Variants in PCDHGB1 observed in about 807,000 individuals in gnomAD.
The protein encoded by PCDHGB1 is protocadherin gamma-B1.
Under a neutral mutation model 56.6 loss-of-function variants are expected in PCDHGB1, and 34 were observed. The observed-to-expected ratio is 0.60, with a 90% CI of 0.46 to 0.80. The LOEUF (loss-of-function observed/expected upper bound fraction) is 0.80. Ranked by LOEUF, PCDHGB1 falls within the 30% of genes least tolerant of loss-of-function variation. PCDHGB1 has a pLI of 0.00. For missense variants in PCDHGB1, 1,278 were observed against 1,204.6 expected (o/e 1.06, Z -0.90); for synonymous variants, 561 against 505.9 (o/e 1.11, Z -1.46).
chr5:141,366,599 G>C lies in PCDHGB1; in HGVS notation c.2409+13930G>C, dbSNP rs778631625. The C allele has an allele frequency of 6.2e-7, 1 of 1,614,214 alleles. No individual in the cohort carries two copies. The highest frequency in any genetic ancestry group is 8.5e-7 in the Non-Finnish European group (1 of 1,180,046). ...TTTCCTGCAGACCTATTCCCACGAG[G>C]TCTCCCTCACCGCGGACTCGAGGAA... On this transcript the variant is annotated intron_variant, in intron 1 of 3. Coordinates refer to ENST00000523390, the MANE Select transcript of PCDHGB1 (RefSeq NM_018922.3).
rs1252361961 is a variant in PCDHGB1 at position 141,486,106 on chromosome 5, G to A, written c.2410-8701G>A. The A allele has an allele frequency of 2.5e-6, 4 of 1,614,190 alleles. No individual in the cohort carries two copies. The highest frequency in any genetic ancestry group is 1.1e-5 in the South Asian group (1 of 91,086). Reference sequence around the variant, plus strand: ...CTCTTTTGGGGCCCCTAGACTTTGAGAGTGAGAATTACTATGAATTTGATG... The same window carrying A: ...CTCTTTTGGGGCCCCTAGACTTTGAAAGTGAGAATTACTATGAATTTGATG... On this transcript the variant is annotated intron_variant, in intron 1 of 3. Transcript: ENST00000523390. The surrounding 1 kb of genome is among the most constrained non-coding windows in gnomAD (Gnocchi z 5.0).
chr5:141,366,709 G>A, intron 1 of PCDHGB1: 5 of 1,614,228 alleles, frequency 3.1e-6, no homozygotes, highest in Non-Finnish European at 4.2e-6. Context: ...CTCTTCTGAT[G>A]TCTGATAAGG....
intron 1 of PCDHGB1, chr5:141,360,527 C>T (rs763036184): frequency 2.5e-6 from 4 of 1,613,910 alleles, no homozygotes; most frequent in Admixed American, 3.3e-5. Flanking sequence ...GATAATACCC[C>T]GCTATTCAAA....
intron 1 of PCDHGB1, chr5:141,441,550 G>C (rs2098254247): frequency 5.4e-6 from 1 of 184,034 alleles, no homozygotes; most frequent in Non-Finnish European, 1.1e-5. Context: ...AGCCTCCATA[G>C]TGTGCAAGTA....
intron 1 of PCDHGB1, chr5:141,383,821 G>T: frequency 1.2e-6 from 2 of 1,613,922 alleles, no homozygotes; most frequent in Non-Finnish European, 1.7e-6. Context: ...AGAAGGATTA[G>T]ATTATGAAGA....
chr5:141,362,320 C>T, intron 1 of PCDHGB1: 1 of 1,614,074 alleles, frequency 6.2e-7, no homozygotes, highest in South Asian at 1.1e-5. Flanking sequence ...CTGTTTTCAG[C>T]CTGGTCTCAG....
At position 141,430,831 on chromosome 5, in the gene PCDHGB1, G is replaced by A; in HGVS notation, c.2410-63976G>A. ...TGGGAATCCTCCTGGGGACTCTGTGGGAGACCGGATGCACCCAGATACGCT... is the reference window on the plus strand; with the variant it reads ...TGGGAATCCTCCTGGGGACTCTGTGAGAGACCGGATGCACCCAGATACGCT... On this transcript the variant is annotated intron_variant, in intron 1 of 3. Coordinates refer to ENST00000523390, the MANE Select transcript of PCDHGB1 (RefSeq NM_018922.3). 3 of 1,555,334 alleles carry A rather than the reference G, an allele frequency of 1.9e-6. No individual in the cohort carries two copies. In the South Asian group the frequency reaches 3.8e-5, roughly 19 times the overall value.
At chr5:141,430,877 G>T in intron 1 of PCDHGB1, 1 of 1,600,796 alleles carries the variant, frequency 6.2e-7, no homozygotes. Flanking sequence ...GGAAGAGCTG[G>T]AGAAAGGCTC....
At chr5:141,472,617 A>G (rs1024856184) in intron 1 of PCDHGB1, among the ~76,000 whole-genome samples, 3 of 152,138 alleles carry the variant, frequency 2.0e-5, no homozygotes, top group African/African-American at 7.2e-5. Flanking sequence ...CAAAGAAGAA[A>G]AAAGATAAAG....
intron 1 of PCDHGB1, chr5:141,409,203 T>C: frequency 1.2e-6 from 2 of 1,613,964 alleles, no homozygotes; most frequent in Non-Finnish European, 1.7e-6. Flanking sequence ...TGTAAAGTAA[T>C]CATAGAAATC....
chr5:141,496,440 A>G (rs2099768848), intron 2 of PCDHGB1, among the ~76,000 whole-genome samples: 1 of 152,158 alleles, frequency 6.6e-6, no homozygotes, highest in South Asian at 2.1e-4. Flanking sequence ...AAGTTGCTAC[A>G]GATGCTGAGC....
At chr5:141,428,230 C>A in intron 1 of PCDHGB1, 1 of 1,073,982 alleles carries the variant, frequency 9.3e-7, no homozygotes, top group Non-Finnish European at 1.4e-6. Flanking sequence ...CGCAGACAGC[C>A]TGCAGGAGGC....
chr5:141,428,154 T>C, intron 1 of PCDHGB1: 2 of 1,578,924 alleles, frequency 1.3e-6, no homozygotes, highest in Non-Finnish European at 1.7e-6. Flanking sequence ...CACGGGAACC[T>C]GCTGGTTGCT....
At chr5:141,421,444 A>T in intron 1 of PCDHGB1, 1 of 1,614,020 alleles carries the variant, frequency 6.2e-7, no homozygotes, top group Non-Finnish European at 8.5e-7. Flanking sequence ...CAGAGGGAAG[A>T]CACAGCTTTT....
At chr5:141,393,307 A>C (rs1394490963) in intron 1 of PCDHGB1, 3 of 1,613,594 alleles carry the variant, frequency 1.9e-6, no homozygotes, top group South Asian at 2.2e-5. Context: ...GTGGGCGTGA[A>C]CTCCCTCCAG....
chr5:141,400,867 C>A (rs1005203103), intron 1 of PCDHGB1, among the ~76,000 whole-genome samples: 37 of 152,162 alleles, frequency 2.4e-4, no homozygotes, highest in African/African-American at 8.9e-4. Context: ...TGTAGATAAA[C>A]CATTAAATTT....
chr5:141,490,345 G>GT lies in PCDHGB1; in HGVS notation c.2410-4461dup, dbSNP rs1363310763. The GT allele has an allele frequency of 6.2e-7, 1 of 1,614,216 alleles. No individual in the cohort carries two copies. The highest frequency in any genetic ancestry group is 2.2e-5 in the East Asian group (1 of 44,886). ...AGAGAGCACACCAGTGGGCACAGTAGTGGGGTTGTTTAATGTGCGAGACCG... is the reference window on the plus strand; with the variant it reads ...AGAGAGCACACCAGTGGGCACAGTAGTTGGGGTTGTTTAATGTGCGAGACCG... On this transcript the variant is annotated intron_variant, in intron 1 of 3. Transcript: ENST00000523390. This position sits in a 1 kb window ranked among gnomAD's most constrained non-coding sequence, Gnocchi z 5.4.
chr5:141,427,973 C>T (rs754410723), intron 1 of PCDHGB1: 3 of 1,594,054 alleles, frequency 1.9e-6, no homozygotes, highest in Non-Finnish European at 2.6e-6. Context: ...TGCTGTACCC[C>T]GCGCTGGGGC....
chr5:141,483,530 GC>G (rs1384645281), intron 1 of PCDHGB1, among the ~76,000 whole-genome samples: 2 of 152,158 alleles, frequency 1.3e-5, no homozygotes, highest in African/African-American at 4.8e-5. Flanking sequence ...GACTAAGGAA[GC>G]TGGGTGGTTG....
Sources: allele counts gnomAD v4.1 joint callset (sites outside exome capture counted in the v4.1 genomes callset), GRCh38; gene constraint gnomAD v4.1.1; non-coding constraint Gnocchi (gnomAD v3.1); transcripts MANE v1.5; gene names NCBI Gene and HGNC (gene_info 2026-07-23, HGNC 2026-07-21).